Variants in TENM3 observed in about 807,000 individuals in gnomAD.
TENM3 encodes the protein teneurin-3.
In TENM3, 63 loss-of-function variants were observed where a neutral mutation model predicts 255.1. The ratio of observed to expected loss-of-function variants is 0.25; its 90% CI spans 0.20 to 0.30. The LOEUF (loss-of-function observed/expected upper bound fraction) is 0.30, where lower values mean the gene tolerates loss of function less well. TENM3 is among the 10% of genes least tolerant of loss of function. TENM3 has a pLI of 1.00. For missense variants in TENM3, 2,929 were observed against 3,461.1 expected (o/e 0.85, Z 3.86); for synonymous variants, 1,306 against 1,322.3 (o/e 0.99, Z 0.27).
chr4:181,451,140 G>T, the TENM3 span, among the ~76,000 whole-genome samples: 1 of 152,120 alleles, frequency 6.6e-6, no homozygotes, highest in Non-Finnish European at 1.5e-5. Flanking sequence ...GTTACGTAGA[G>T]GATGTAATAT....
chr4:181,911,698 A>G, the TENM3 span, among the ~76,000 whole-genome samples: 2 of 152,166 alleles, frequency 1.3e-5, no homozygotes, highest in African/African-American at 2.4e-5. Context: ...TCCACATGAC[A>G]CATATTTGCT....
the TENM3 span, among the ~76,000 whole-genome samples, chr4:182,023,368 C>T: frequency 1.3e-4 from 20 of 152,236 alleles, no homozygotes; most frequent in Non-Finnish European, 2.4e-4. Context: ...TCTGAGAATA[C>T]GTCTAGAGGG....
chr4:181,939,111 A>C, the TENM3 span, among the ~76,000 whole-genome samples: 1 of 152,216 alleles, frequency 6.6e-6, no homozygotes, highest in African/African-American at 2.4e-5. Flanking sequence ...TTATAACAGT[A>C]ATCTTGTGCA....
the TENM3 span, among the ~76,000 whole-genome samples, chr4:181,671,725 T>C: frequency 6.6e-6 from 1 of 152,012 alleles, no homozygotes; most frequent in Non-Finnish European, 1.5e-5. Context: ...CAGCTGGTTA[T>C]TCCTAGGAAG....
At chr4:181,984,789 C>CGTGTGTGT in the TENM3 span, among the ~76,000 whole-genome samples, 193 of 138,586 alleles carry the variant, frequency 1.4e-3, no homozygotes, top group Admixed American at 2.7e-3. Context: ...CTAAAAGAGT[C>CGTGTGTGT]GTGTGTGTGT....
At chr4:182,515,376 G>C (rs763830179) in intron 3 of TENM3, among the ~76,000 whole-genome samples, 1 of 152,056 alleles carries the variant, frequency 6.6e-6, no homozygotes, top group Non-Finnish European at 1.5e-5. Flanking sequence ...AAATAGATGA[G>C]AGTGATGAAC....
intron 1 of TENM3, among the ~76,000 whole-genome samples, chr4:182,232,588 G>A (rs565324102): frequency 6.6e-6 from 1 of 152,074 alleles, no homozygotes; most frequent in South Asian, 2.1e-4. Context: ...GCTGGGTGTG[G>A]TGGGAGGCTG....
At chr4:181,721,238 G>A in the TENM3 span, among the ~76,000 whole-genome samples, 15 of 152,052 alleles carry the variant, frequency 9.9e-5, no homozygotes, top group African/African-American at 3.1e-4. Flanking sequence ...CAGGAAAGAA[G>A]CAAGGTCAAG....
chr4:181,930,302 C>T, the TENM3 span, among the ~76,000 whole-genome samples: 4 of 151,998 alleles, frequency 2.6e-5, no homozygotes, highest in Non-Finnish European at 5.9e-5. Flanking sequence ...AGAGAAGAAT[C>T]AAACAGACAC....
At chr4:182,569,898 C>T (rs1744190639) in intron 3 of TENM3, among the ~76,000 whole-genome samples, 1 of 152,032 alleles carries the variant, frequency 6.6e-6, no homozygotes, top group African/African-American at 2.4e-5. Flanking sequence ...TTGAACTGTG[C>T]CTTGAAGAAT....
the TENM3 span, among the ~76,000 whole-genome samples, chr4:181,728,637 C>T: frequency 2.0e-5 from 3 of 152,316 alleles, no homozygotes; most frequent in East Asian, 5.8e-4. Flanking sequence ...CCAGAGGTCA[C>T]TTTCATCACC....
the TENM3 span, among the ~76,000 whole-genome samples, chr4:181,808,649 G>T: frequency 6.6e-6 from 1 of 152,078 alleles, no homozygotes; most frequent in Non-Finnish European, 1.5e-5. Context: ...AATTCATAAA[G>T]AAATTGCATG....
At chr4:181,819,100 C>A in the TENM3 span, among the ~76,000 whole-genome samples, 1 of 152,178 alleles carries the variant, frequency 6.6e-6, no homozygotes, top group Admixed American at 6.5e-5. Flanking sequence ...CTCTCTGACA[C>A]CAATTACCTC....
the TENM3 span, among the ~76,000 whole-genome samples, chr4:182,020,119 C>G: frequency 2.6e-5 from 4 of 151,822 alleles, no homozygotes; most frequent in African/African-American, 9.7e-5. Flanking sequence ...AATCACAGCA[C>G]TTTGGGAGGC....
the TENM3 span, among the ~76,000 whole-genome samples, chr4:181,565,325 G>T: frequency 6.6e-6 from 1 of 152,130 alleles, no homozygotes; most frequent in Non-Finnish European, 1.5e-5. Flanking sequence ...AATGATCAAA[G>T]TTACATGGAC....
At chr4:181,582,669 C>A in the TENM3 span, among the ~76,000 whole-genome samples, 18 of 124,714 alleles carry the variant, frequency 1.4e-4, no homozygotes, top group Admixed American at 2.5e-4. Context: ...CAAAACAAAT[C>A]AAAAAAAAAA....
At chr4:182,395,600 G>A (rs1768753420) in intron 3 of TENM3, among the ~76,000 whole-genome samples, 1 of 152,214 alleles carries the variant, frequency 6.6e-6, no homozygotes, top group South Asian at 2.1e-4. Flanking sequence ...AAAGAGAAAT[G>A]GAAATGTTAA....
chr4:181,711,876 G>A, the TENM3 span, among the ~76,000 whole-genome samples: 2 of 152,212 alleles, frequency 1.3e-5, no homozygotes, highest in East Asian at 3.9e-4. Context: ...GATCTCAAAG[G>A]GTTGTTGTGA....
intron 5 of TENM3, among the ~76,000 whole-genome samples, chr4:182,650,889 A>AAAAAATATATATATATATAT (rs1281790163): frequency 5.4e-4 from 16 of 29,714 alleles, no homozygotes; most frequent in Admixed American, 1.8e-3. Flanking sequence ...AATAAAAAAA[A>AAAAAATATATATATATATAT]ATATATATAT....
Sources: allele counts gnomAD v4.1 joint callset (sites outside exome capture counted in the v4.1 genomes callset), GRCh38; gene constraint gnomAD v4.1.1; transcripts MANE v1.5; gene names NCBI Gene and HGNC (gene_info 2026-07-23, HGNC 2026-07-21).